ARMC2: variants seen among roughly 807,000 people sequenced by gnomAD.
ARMC2 encodes the protein armadillo repeat containing 2.
In ARMC2, 67 loss-of-function variants were observed where a neutral mutation model predicts 90.3. The observed-to-expected ratio is 0.74, with a 90% CI of 0.61 to 0.91. The LOEUF is 0.91. Ranked by LOEUF, ARMC2 falls within the 40% of genes least tolerant of loss-of-function variation. ARMC2 has a pLI of 0.00. For missense variants in ARMC2, 920 were observed against 1,030.9 expected (o/e 0.89, Z 1.47); for synonymous variants, 393 against 393.0 (o/e 1.00, Z 0.00).
At chr6:109,050,761 A>G in the ARMC2 span, among the ~76,000 whole-genome samples, 1 of 152,234 alleles carries the variant, frequency 6.6e-6, no homozygotes, top group Admixed American at 6.5e-5. Flanking sequence ...ATCTTCTTTT[A>G]GTAATCATAA....
At chr6:109,000,728 C>T in the ARMC2 span, 2 of 1,305,498 alleles carry the variant, frequency 1.5e-6, no homozygotes, top group East Asian at 2.8e-5. Context: ...AACTACATAT[C>T]CTTTTTATTT....
chr6:108,989,576 T>C, the ARMC2 span, among the ~76,000 whole-genome samples: 1 of 151,328 alleles, frequency 6.6e-6, no homozygotes, highest in Non-Finnish European at 1.5e-5. Flanking sequence ...TCTAGAGATA[T>C]CTATATATAG....
At chr6:109,041,238 G>C in the ARMC2 span, among the ~76,000 whole-genome samples, 1 of 151,896 alleles carries the variant, frequency 6.6e-6, no homozygotes, top group Non-Finnish European at 1.5e-5. Context: ...TTTGAACACA[G>C]AAGGTTAAGG....
intron 11 of ARMC2, among the ~76,000 whole-genome samples, chr6:108,933,609 A>C (rs1413149964): frequency 2.0e-5 from 3 of 152,190 alleles, no homozygotes; most frequent in Non-Finnish European, 2.9e-5. Context: ...ACCCTTCTGC[A>C]AACAGAGATA....
intron 13 of ARMC2, among the ~76,000 whole-genome samples, chr6:108,959,718 C>T (rs1777852336): frequency 6.6e-6 from 1 of 151,894 alleles, no homozygotes; most frequent in African/African-American, 2.4e-5. Context: ...TGGGGTCTCC[C>T]TCTGTCACCC....
chr6:108,931,640 A>G (rs1775569974), intron 11 of ARMC2, among the ~76,000 whole-genome samples: 1 of 151,786 alleles, frequency 6.6e-6, no homozygotes, highest in Admixed American at 6.5e-5. Flanking sequence ...ATGGTATCTC[A>G]TTGTGGCTTT....
chr6:108,908,671 C>T (rs1222972226), intron 8 of ARMC2, among the ~76,000 whole-genome samples: 1 of 151,604 alleles, frequency 6.6e-6, no homozygotes, highest in Non-Finnish European at 1.5e-5. Context: ...TTGATTGAGC[C>T]CACGAGGTCA....
the ARMC2 span, among the ~76,000 whole-genome samples, chr6:109,046,219 G>C: frequency 1.9e-4 from 28 of 148,166 alleles, no homozygotes; most frequent in East Asian, 2.1e-4. Flanking sequence ...TCAGCCTGCC[G>C]AGTGCCTGCG....
chr6:109,049,204 AAAG>A, the ARMC2 span, among the ~76,000 whole-genome samples: 1 of 152,368 alleles, frequency 6.6e-6, no homozygotes, highest in East Asian at 1.9e-4. Context: ...CAGCCATAAA[AAAG>A]AAGGAATCCT....
intron 6 of ARMC2, 23 bp from the exon 7 acceptor site, chr6:108,899,668 TCTC>T (rs765475630): frequency 1.3e-6 from 2 of 1,578,844 alleles, no homozygotes; most frequent in South Asian, 2.2e-5. Flanking sequence ...CATAGCTTTT[TCTC>T]CTGCTCTGGA....
the ARMC2 span, among the ~76,000 whole-genome samples, chr6:109,008,485 CTTCAT>C: frequency 5.3e-5 from 8 of 152,170 alleles, no homozygotes; most frequent in Non-Finnish European, 8.8e-5. Context: ...GACAAAGTGT[CTTCAT>C]TTAAGTTTCT....
chr6:108,888,970 C>T (rs758767120), intron 5 of ARMC2, among the ~76,000 whole-genome samples: 2 of 152,120 alleles, frequency 1.3e-5, no homozygotes. Context: ...GATTCATTTA[C>T]TCAGCCCATA....
chr6:108,885,602 A>C (rs1379235832), intron 5 of ARMC2, among the ~76,000 whole-genome samples: 1 of 151,760 alleles, frequency 6.6e-6, no homozygotes, highest in Non-Finnish European at 1.5e-5. Flanking sequence ...TGAACCCAGG[A>C]GGCAGAGGTT....
intron 6 of ARMC2, among the ~76,000 whole-genome samples, chr6:108,896,105 A>G (rs1301089097): frequency 6.6e-6 from 1 of 152,194 alleles, no homozygotes; most frequent in Non-Finnish European, 1.5e-5. Context: ...TTTACTCAGG[A>G]AAATCTTAGA....
chr6:108,905,056 T>C (rs1172062215), intron 8 of ARMC2, among the ~76,000 whole-genome samples: 3 of 152,192 alleles, frequency 2.0e-5, no homozygotes, highest in African/African-American at 7.2e-5. Context: ...CCATAAACAG[T>C]TGGAACCAAA....
the ARMC2 span, among the ~76,000 whole-genome samples, chr6:109,017,827 A>T: frequency 6.6e-6 from 1 of 152,214 alleles, no homozygotes; most frequent in South Asian, 2.1e-4. Flanking sequence ...AATTGAACTT[A>T]ATGATCTCTC....
At chr6:109,007,565 GAT>G in the ARMC2 span, among the ~76,000 whole-genome samples, 1 of 152,136 alleles carries the variant, frequency 6.6e-6, no homozygotes, top group Admixed American at 6.5e-5. Context: ...ACAAGGTAAA[GAT>G]ATGTTATATA....
At chr6:108,864,997 ATT>A (rs36025894) in intron 3 of ARMC2, among the ~76,000 whole-genome samples, 14 of 132,786 alleles carry the variant, frequency 1.1e-4, no homozygotes, top group East Asian at 4.3e-4. Context: ...TCTCAAGTGA[ATT>A]TTTTTTTTTT....
At chr6:108,861,476 C>A (rs1308401523) in intron 3 of ARMC2, among the ~76,000 whole-genome samples, 1 of 152,230 alleles carries the variant, frequency 6.6e-6, no homozygotes, top group African/African-American at 2.4e-5. Flanking sequence ...TCAGTAATAT[C>A]ATTTAATGTA....
Sources: allele counts gnomAD v4.1 joint callset (sites outside exome capture counted in the v4.1 genomes callset), GRCh38; gene constraint gnomAD v4.1.1; transcripts MANE v1.5; gene names NCBI Gene and HGNC (gene_info 2026-07-23, HGNC 2026-07-21).